Variants in DOCK2 observed in about 807,000 individuals in gnomAD.
The protein encoded by DOCK2 is dedicator of cytokinesis protein 2.
DOCK2 carries 87 observed loss-of-function variants against 248.9 expected under a neutral mutation model. The ratio of observed to expected loss-of-function variants is 0.35; its 90% CI spans 0.29 to 0.42. DOCK2 has a LOEUF of 0.42. Ranked by LOEUF, DOCK2 falls within the 10% of genes least tolerant of loss-of-function variation. The pLI, the probability that DOCK2 is intolerant of heterozygous loss-of-function variation, is 1.00. For missense variants in DOCK2, 1,747 were observed against 2,300.2 expected (o/e 0.76, Z 4.92); for synonymous variants, 805 against 821.6 (o/e 0.98, Z 0.35).
chr5:169,896,353 G>A (rs1232368628), intron 27 of DOCK2, among the ~76,000 whole-genome samples: 2 of 152,150 alleles, frequency 1.3e-5, no homozygotes, highest in Non-Finnish European at 2.9e-5. Flanking sequence ...GTGTGGCATG[G>A]TGGACAAGAG....
intron 17 of DOCK2, among the ~76,000 whole-genome samples, chr5:169,713,707 A>G (rs141502329): frequency 3.4e-4 from 52 of 152,326 alleles, no homozygotes; most frequent in African/African-American, 1.2e-3. Context: ...TGGTGAGCAG[A>G]TATTATGGTC....
intron 32 of DOCK2, among the ~76,000 whole-genome samples, chr5:170,009,130 C>G (rs1455189024): frequency 2.0e-5 from 3 of 152,002 alleles, no homozygotes; most frequent in Non-Finnish European, 4.4e-5. Context: ...AAACGTACTC[C>G]AACCTCATAA....
At chr5:169,868,456 A>C (rs1771733768) in intron 27 of DOCK2, among the ~76,000 whole-genome samples, 1 of 152,172 alleles carries the variant, frequency 6.6e-6, no homozygotes, top group South Asian at 2.1e-4. Context: ...CAAGTGTCCT[A>C]ATACCTGTTT....
intron 26 of DOCK2, among the ~76,000 whole-genome samples, chr5:169,807,341 C>A (rs990238041): frequency 6.6e-6 from 1 of 152,114 alleles, no homozygotes; most frequent in Non-Finnish European, 1.5e-5. Flanking sequence ...GGGGTCCTGG[C>A]GTCCAGTAAC....
At chr5:169,927,569 A>G (rs980443860) in intron 27 of DOCK2, among the ~76,000 whole-genome samples, 6 of 152,232 alleles carry the variant, frequency 3.9e-5, no homozygotes, top group African/African-American at 1.2e-4. Context: ...AGAATCAAAG[A>G]TAATTCTAAA....
chr5:169,843,560 T>C (rs1372675316), intron 27 of DOCK2, among the ~76,000 whole-genome samples: 1 of 152,224 alleles, frequency 6.6e-6, no homozygotes, highest in African/African-American at 2.4e-5. Context: ...AACAGTTTTA[T>C]TGAAGTATAG....
intron 26 of DOCK2, among the ~76,000 whole-genome samples, chr5:169,806,711 C>CT (rs1347617415): frequency 1.3e-5 from 2 of 152,068 alleles, no homozygotes; most frequent in East Asian, 1.9e-4. Context: ...TCCCTTTAAC[C>CT]TTTTTTTGCG....
chr5:170,049,771 G>T (rs1435347285), intron 40 of DOCK2, among the ~76,000 whole-genome samples: 1 of 152,182 alleles, frequency 6.6e-6, no homozygotes, highest in Non-Finnish European at 1.5e-5. Flanking sequence ...CTTTAGTTGA[G>T]AACCACTGAT....
intron 27 of DOCK2, among the ~76,000 whole-genome samples, chr5:169,858,939 A>C (rs1771031021): frequency 6.6e-6 from 1 of 152,182 alleles, no homozygotes. Context: ...GCTGGAGCCT[A>C]GGAGTTTTAG....
chr5:169,911,067 G>C (rs1308714514), intron 27 of DOCK2, among the ~76,000 whole-genome samples: 3 of 152,182 alleles, frequency 2.0e-5, no homozygotes, highest in Non-Finnish European at 4.4e-5. Flanking sequence ...GCAGGCAGCT[G>C]TTGTTCTGGC....
chr5:169,854,374 G>T lies in DOCK2; in HGVS notation c.2799+13522G>T, dbSNP rs546924580. On this transcript the variant is annotated intron_variant, in intron 27 of 51. Transcript: ENST00000520908. Reference sequence around the variant, plus strand: ...CTAATTTTTGTATTTTAGTAGAGACGGGGTTTCACCACATTGGCCAGGCTG... The same window carrying T: ...CTAATTTTTGTATTTTAGTAGAGACTGGGTTTCACCACATTGGCCAGGCTG... Among the ~76,000 whole-genome samples, 12 of 151,810 alleles carry T rather than the reference G, an allele frequency of 7.9e-5. No individual in the cohort carries two copies. In the East Asian group the frequency reaches 2.3e-3, roughly 30 times the overall value.
chr5:169,675,332 A>G (rs1316180315), intron 6 of DOCK2, among the ~76,000 whole-genome samples: 1 of 152,138 alleles, frequency 6.6e-6, no homozygotes, highest in Non-Finnish European at 1.5e-5. Context: ...GATCTTTTGA[A>G]TGGCTTCCAA....
At chr5:169,998,139 G>A (rs767585519) in intron 30 of DOCK2, 45 of 433,684 alleles carry the variant, frequency 1.0e-4, no homozygotes, top group Non-Finnish European at 1.7e-4. Flanking sequence ...AAACCATGTG[G>A]CTTCCTGGAG....
chr5:169,644,179 G>C (rs974398999), intron 1 of DOCK2, among the ~76,000 whole-genome samples: 1 of 152,152 alleles, frequency 6.6e-6, no homozygotes, highest in Non-Finnish European at 1.5e-5. Context: ...TACTCTGAAT[G>C]GGGGAGGGGG....
At chr5:169,730,890 C>CTCT (rs570385635) in intron 22 of DOCK2, among the ~76,000 whole-genome samples, 7 of 145,490 alleles carry the variant, frequency 4.8e-5, no homozygotes, top group African/African-American at 1.4e-4. Context: ...CTCTCTCTCT[C>CTCT]TTTTTTTTAG....
chr5:169,721,553 G>A (rs1364792689), intron 22 of DOCK2, among the ~76,000 whole-genome samples: 2 of 152,210 alleles, frequency 1.3e-5, no homozygotes, highest in African/African-American at 4.8e-5. Flanking sequence ...CCCAGCTGTT[G>A]GGAAATCAGA....
At chr5:170,021,978 G>A (rs889014940) in intron 33 of DOCK2, among the ~76,000 whole-genome samples, 1 of 152,142 alleles carries the variant, frequency 6.6e-6, no homozygotes, top group Admixed American at 6.5e-5. Flanking sequence ...GAAGAACCAG[G>A]TCCCCAGAAG....
In DOCK2 at chr5:169,763,199, T is replaced by G. The variant is rs1345720038; in HGVS notation, c.2554+1574T>G. ...TGCACTTCTTGTGTCACTGTGCCTT[T>G]TTAAAGTGAGACTTCCATGGTTTTA... On this transcript the variant is annotated intron_variant, in intron 25 of 51. Transcript: ENST00000520908. This position sits in a 1 kb window ranked among gnomAD's most constrained non-coding sequence, Gnocchi z 4.1. Among the ~76,000 whole-genome samples, 1 of 152,224 alleles carries G rather than the reference T, an allele frequency of 6.6e-6. No individual in the cohort carries two copies.
intron 27 of DOCK2, among the ~76,000 whole-genome samples, chr5:169,853,667 G>A (rs572196088): frequency 2.1e-4 from 32 of 152,134 alleles, no homozygotes; most frequent in African/African-American, 6.3e-4. Context: ...AGAGGGCTTC[G>A]ATCTCCCAGA....
Sources: gnomAD v4.1 joint callset for allele counts (sites outside exome capture counted in the v4.1 genomes callset) on GRCh38, gnomAD v4.1.1 for gene constraint, Gnocchi (gnomAD v3.1) non-coding constraint, MANE v1.5 for transcripts, NCBI Gene and HGNC (gene_info 2026-07-23, HGNC 2026-07-21) for gene names.